SCPEP1: variants seen among roughly 807,000 people sequenced by gnomAD.
SCPEP1 encodes retinoid-inducible serine carboxypeptidase.
In SCPEP1, 51 loss-of-function variants were observed where a neutral mutation model predicts 63.8. The ratio of observed to expected loss-of-function variants is 0.80; its 90% CI spans 0.64 to 1.01. SCPEP1 has a LOEUF of 1.01. Among genes scored for constraint, SCPEP1 ranks in the 50% least tolerant of loss-of-function variants. The pLI is 0.00. For synonymous variants in SCPEP1, 204 were observed against 207.8 expected, an observed-to-expected ratio of 0.98 and a Z score of 0.16; for missense variants, 499 against 554.9, an observed-to-expected ratio of 0.90 and a Z score of 1.01.
intron 7 of SCPEP1, 129 bp from the exon 8 acceptor site, chr17:56,995,378 A>G: frequency 1.0e-6 from 1 of 957,624 alleles, no homozygotes; most frequent in Non-Finnish European, 1.6e-6. Context: ...GCTTGTAACA[A>G]TACACTTTGA....
chr17:56,998,068 C>T, intron 9 of SCPEP1: 1 of 281,338 alleles, frequency 3.6e-6, no homozygotes, highest in South Asian at 3.9e-5. Context: ...AATCCCACCA[C>T]TTGGGAGGCT....
At chr17:56,990,462 G>C (rs772748908) in intron 5 of SCPEP1, among the ~76,000 whole-genome samples, 5 of 152,204 alleles carry the variant, frequency 3.3e-5, no homozygotes, top group Admixed American at 6.5e-5. Context: ...ACCTGATGGA[G>C]ATCACTATAG....
In SCPEP1 at chr17:56,978,166, C is replaced by A. The variant is rs34108204; in HGVS notation, c.7C>A (p.Leu3Met). Residue 3 changes from leucine (L) to methionine (M), a missense_variant, in exon 1 of 13, where the codon CTG becomes ATG. Leu to Met is a conservative substitution (Grantham distance 15). Transcript: ENST00000262288. Reference protein sequence around the residue: MELALRRSPVPRW... With the variant: MEMALRRSPVPRW... ...CTGCCGTGCGGTACTTGTCATGGAGCTGGCACTGCGGCGCTCTCCCGTCCC... is the reference window on the plus strand; with the variant it reads ...CTGCCGTGCGGTACTTGTCATGGAGATGGCACTGCGGCGCTCTCCCGTCCC... The A allele has an allele frequency of 8.2e-6, 12 of 1,461,228 alleles. No homozygotes were observed. The highest frequency in any genetic ancestry group is 1.1e-5 in the Non-Finnish European group (12 of 1,061,384). The allele number at this position is 1,461,228 out of a possible 1,614,324, so 90.5% of individuals were successfully genotyped here.
At chr17:56,992,992 A>G (rs528740805) in intron 6 of SCPEP1, among the ~76,000 whole-genome samples, 1 of 152,232 alleles carries the variant, frequency 6.6e-6, no homozygotes, top group African/African-American at 2.4e-5. Context: ...TTGCCCCTCT[A>G]TCCCAGAAAC....
intron 1 of SCPEP1, among the ~76,000 whole-genome samples, chr17:56,979,345 C>T (rs1598111333): frequency 6.6e-6 from 1 of 152,106 alleles, no homozygotes; most frequent in Admixed American, 6.5e-5. Flanking sequence ...GTCTCTTTAG[C>T]TGTTGGGACC....
At chr17:56,978,557 G>A (rs1230786505) in intron 1 of SCPEP1, among the ~76,000 whole-genome samples, 1 of 152,046 alleles carries the variant, frequency 6.6e-6, no homozygotes, top group Non-Finnish European at 1.5e-5. Flanking sequence ...ATGATTGGCT[G>A]CTAAATGAGG....
At chr17:56,979,000 G>A (rs756021042) in intron 1 of SCPEP1, among the ~76,000 whole-genome samples, 1 of 152,164 alleles carries the variant, frequency 6.6e-6, no homozygotes, top group Non-Finnish European at 1.5e-5. Flanking sequence ...AGGTACCTGC[G>A]CCTTATCTGT....
chr17:57,005,924 G>C (rs1300835442), intron 12 of SCPEP1, among the ~76,000 whole-genome samples: 5 of 152,190 alleles, frequency 3.3e-5, no homozygotes, highest in African/African-American at 1.2e-4. Context: ...TGGAGTAGAA[G>C]GTTCTTGTCT....
At chr17:56,984,954 C>A in intron 2 of SCPEP1, 1 of 177,726 alleles carries the variant, frequency 5.6e-6, no homozygotes, top group Non-Finnish European at 1.2e-5. Context: ...CAAAAATTAG[C>A]CGGGCTGGGC....
intron 11 of SCPEP1, among the ~76,000 whole-genome samples, chr17:57,001,722 A>G (rs1321206118): frequency 6.6e-6 from 1 of 152,212 alleles, no homozygotes; most frequent in Non-Finnish European, 1.5e-5. Flanking sequence ...GTCTGCCTCC[A>G]GAGGTCCCCA....
intron 7 of SCPEP1, 95 bp downstream of exon 7, chr17:56,995,113 T>A (rs537968991): frequency 1.7e-6 from 2 of 1,157,258 alleles, no homozygotes; most frequent in Admixed American, 1.8e-5. Context: ...TGAGTTTGCC[T>A]ATGTGGTTGA....
intron 6 of SCPEP1, among the ~76,000 whole-genome samples, chr17:56,993,370 T>G (rs1408452541): frequency 6.6e-6 from 1 of 152,188 alleles, no homozygotes; most frequent in Non-Finnish European, 1.5e-5. Context: ...CTTCAAAGAT[T>G]GGTAAACAAG....
At chr17:56,981,340 G>C in intron 2 of SCPEP1, 110 bp downstream of exon 2, 1 of 1,203,768 alleles carries the variant, frequency 8.3e-7, no homozygotes, top group Admixed American at 2.0e-5. Flanking sequence ...ATTTGGTCCA[G>C]CAGTGTGACC....
Position 56,998,469 on chromosome 17 carries a change from A to C in SCPEP1, c.965A>C (p.Lys322Thr). 1 of 1,614,018 alleles carries C rather than the reference A, an allele frequency of 6.2e-7. No individual in the cohort carries two copies. The change falls in exon 10 of 13, where the codon AAA (lysine) becomes ACA (threonine). Residue 322 changes from lysine (K) to threonine (T), a missense_variant. Lys to Thr is a moderately conservative substitution (Grantham distance 78, BLOSUM62 -1). Transcript: ENST00000262288. ...AATGGCCCCATCAGAAAGAAGCTCAAAATTATTCCTGAGGATCAATCCTGG... is the reference window on the plus strand; with the variant it reads ...AATGGCCCCATCAGAAAGAAGCTCACAATTATTCCTGAGGATCAATCCTGG... ...LMNGPIRKKLKIIPEDQSWGG... is the reference protein window; with the variant it reads ...LMNGPIRKKLTIIPEDQSWGG...
chr17:56,981,334 G>T, intron 2 of SCPEP1, 104 bp downstream of exon 2: 3 of 1,260,250 alleles, frequency 2.4e-6, no homozygotes, highest in Non-Finnish European at 3.3e-6. Flanking sequence ...GGGCGGATTT[G>T]GTCCAGCAGT....
Position 56,985,028 on chromosome 17 carries a change from C to T in SCPEP1, c.226-350C>T, listed in dbSNP as rs1343232033. ...GCTGAGGCGGGAGGATCACTTGAAC[C>T]CCAGAGGTAGAAGCTGTGGTGAGCC... On this transcript the variant is annotated intron_variant, in intron 2 of 12. Coordinates refer to ENST00000262288, the MANE Select transcript of SCPEP1 (RefSeq NM_021626.3). 5 of 266,740 alleles carry T rather than the reference C, an allele frequency of 1.9e-5. No homozygotes were observed. The East Asian group carries it at 4.6e-4, about 24-fold the overall frequency. 16.5% of individuals were successfully genotyped at this position (266,740 alleles called of 1,614,324 possible).
At chr17:56,987,642 AT>A in intron 3 of SCPEP1, 52 bp from the exon 4 acceptor site, 1 of 1,578,970 alleles carries the variant, frequency 6.3e-7, no homozygotes, top group East Asian at 2.3e-5. Flanking sequence ...TCCAAAGATG[AT>A]TGGTGACCAA....
In SCPEP1 at chr17:57,006,450, A is replaced by AT. The variant is rs1423988955; in HGVS notation, c.*217dup. 2 of 374,276 alleles carry AT rather than the reference A, an allele frequency of 5.3e-6. No homozygotes were observed. Among genetic ancestry groups the AT allele is most frequent in the Non-Finnish European group, 9.5e-6 (2 of 209,618 alleles). The allele number at this position is 374,276 out of a possible 1,614,324, so 23.2% of individuals were successfully genotyped here. Reference sequence around the variant, plus strand: ...AAAAAAACCTAAGATTTTTTAAAAAATTGATTTGTTTTGATCAAAATAAAG... The same window carrying AT: ...AAAAAAACCTAAGATTTTTTAAAAAATTTGATTTGTTTTGATCAAAATAAAG... On this transcript the variant is annotated 3_prime_UTR_variant, in exon 13 of 13. Coordinates refer to ENST00000262288, the MANE Select transcript of SCPEP1 (RefSeq NM_021626.3).
At chr17:57,001,925 C>T in intron 11 of SCPEP1, 93 bp from the exon 12 acceptor site, 3 of 1,283,608 alleles carry the variant, frequency 2.3e-6, no homozygotes, top group Non-Finnish European at 2.2e-6. Context: ...ATGCATATTG[C>T]AGTTTGGGAA....
Sources: allele counts gnomAD v4.1 joint callset (sites outside exome capture counted in the v4.1 genomes callset), GRCh38; gene constraint gnomAD v4.1.1; transcripts MANE v1.5; gene names NCBI Gene and HGNC (gene_info 2026-07-23, HGNC 2026-07-21).